TANGO6: variants seen among roughly 807,000 people sequenced by gnomAD.
TANGO6 encodes transport and golgi organization 6 homolog, also known as transport and Golgi organization protein 6 homolog.
TANGO6 carries 90 observed loss-of-function variants against 114.2 expected under a neutral mutation model. That is an observed-to-expected ratio of 0.79 (90% CI 0.66 to 0.94). The LOEUF is 0.94. TANGO6 is among the 40% of genes least tolerant of loss of function. The probability of loss-of-function intolerance (pLI) is 0.00; values close to 1 mark genes in which losing one functional copy is unlikely to be tolerated. For synonymous variants in TANGO6, 477 were observed against 509.8 expected (o/e 0.94, Z 0.87); for missense variants, 1,274 against 1,315.3 (o/e 0.97, Z 0.49).
At chr16:69,041,404 CCA>C (rs1959772767) in intron 17 of TANGO6, among the ~76,000 whole-genome samples, 1 of 151,728 alleles carries the variant, frequency 6.6e-6, no homozygotes, top group Non-Finnish European at 1.5e-5. Context: ...CGAGATCTTG[CCA>C]TTACACTCCA....
Position 68,860,085 on chromosome 16 carries a change from T to C in TANGO6, c.296T>C (p.Leu99Ser). The C allele has an allele frequency of 6.2e-7, 1 of 1,613,982 alleles. No homozygotes were observed. Among genetic ancestry groups the C allele is most frequent in the South Asian group, 1.1e-5 (1 of 91,082 alleles). Residue 99 changes from leucine to serine, a missense_variant, in exon 2 of 18, where the codon TTG (leucine) becomes TCG (serine). By Grantham distance (145) the Leu-to-Ser change is moderately radical. Coordinates refer to ENST00000261778, the MANE Select transcript of TANGO6 (RefSeq NM_024562.2). ...ACTTGGAGTTTTACCTCTCAAACCT[T>C]GTTGTTGCTTTTGTGCTTGAAGGAA... ...DVTWSFTSQT[L>S]LLLLCLKETM...
chr16:68,927,754 C>T lies in TANGO6; in HGVS notation c.2314C>T (p.Leu772=), dbSNP rs1963186479. 1 of 1,613,960 alleles carries T rather than the reference C, an allele frequency of 6.2e-7. No homozygotes were observed. The highest frequency in any genetic ancestry group is 1.7e-5 in the Admixed American group (1 of 60,002). The change falls in exon 13 of 18, where the codon CTG becomes TTG. Residue 772 remains leucine, a synonymous_variant. Transcript: ENST00000261778. ...CCAAAGTACACTGAACAGAAAAGAT[C>T]TGGAAGGGAAAATAGAAGAGCAGCA... The part of the protein sequence containing the change: ...AAQSTLNRKD[L]EGKIEEQQQT...
At chr16:68,904,524 T>C (rs1167288439) in intron 9 of TANGO6, among the ~76,000 whole-genome samples, 1 of 152,214 alleles carries the variant, frequency 6.6e-6, no homozygotes, top group Non-Finnish European at 1.5e-5. Context: ...AACTGGCACA[T>C]TGAGACATAC....
chr16:68,973,942 G>C lies in TANGO6; in HGVS notation c.2702-86G>C. On this transcript the variant is annotated intron_variant, in intron 14 of 17. Coordinates refer to ENST00000261778, the MANE Select transcript of TANGO6 (RefSeq NM_024562.2). ...TTTAGAGATGGTTTTCAGCATCTCT[G>C]CGTTCATCCCATCACAGGGTGACTG... 6 of 1,448,074 alleles carry C rather than the reference G, an allele frequency of 4.1e-6. No individual in the cohort carries two copies. The South Asian group carries it at 7.5e-5, about 18-fold the overall frequency. The allele number at this position is 1,448,074 out of a possible 1,614,324, so 89.7% of individuals were successfully genotyped here.
intron 17 of TANGO6, among the ~76,000 whole-genome samples, chr16:69,078,729 GTATTT>G (rs1229669975): frequency 1.3e-5 from 2 of 152,064 alleles, no homozygotes; most frequent in African/African-American, 4.8e-5. Context: ...ATACGTTTCT[GTATTT>G]TATTTTATTT....
intron 17 of TANGO6, among the ~76,000 whole-genome samples, chr16:69,071,704 T>G (rs1413140099): frequency 6.6e-6 from 1 of 152,230 alleles, no homozygotes; most frequent in Non-Finnish European, 1.5e-5. Flanking sequence ...ATCAAACAAA[T>G]CAATTTAGGA....
intron 14 of TANGO6, among the ~76,000 whole-genome samples, chr16:68,959,862 T>C (rs973051199): frequency 1.3e-5 from 2 of 152,208 alleles, no homozygotes; most frequent in Admixed American, 6.5e-5. Context: ...GCAGCTTTTC[T>C]TTGCATAGGC....
intron 11 of TANGO6, among the ~76,000 whole-genome samples, chr16:68,917,570 T>G (rs1046278538): frequency 2.6e-5 from 4 of 152,180 alleles, no homozygotes; most frequent in Admixed American, 6.5e-5. Context: ...CTCACCAGCA[T>G]TCCTGGTGAA....
intron 16 of TANGO6, among the ~76,000 whole-genome samples, chr16:69,030,219 A>C (rs1338625461): frequency 4.6e-5 from 7 of 152,010 alleles, no homozygotes; most frequent in Admixed American, 4.6e-4. Context: ...CTGAGGATAC[A>C]AAACCCTGTC....
chr16:69,072,838 C>T (rs1050124251), intron 17 of TANGO6, among the ~76,000 whole-genome samples: 3 of 151,818 alleles, frequency 2.0e-5, no homozygotes, highest in Non-Finnish European at 4.4e-5. Context: ...CCTACCCACA[C>T]GGAGAAAGAG....
intron 14 of TANGO6, among the ~76,000 whole-genome samples, chr16:68,959,696 T>A (rs1197704638): frequency 1.3e-5 from 2 of 152,242 alleles, no homozygotes; most frequent in Non-Finnish European, 2.9e-5. Flanking sequence ...AGGGCACATC[T>A]CCTAGCCCAC....
At chr16:68,896,692 A>T (rs536384255) in intron 7 of TANGO6, among the ~76,000 whole-genome samples, 1 of 152,298 alleles carries the variant, frequency 6.6e-6, no homozygotes, top group Non-Finnish European at 1.5e-5. Flanking sequence ...GAAATTTACT[A>T]TTAGTGTTGG....
rs1208831150 is a variant in TANGO6, at chr16:68,862,969, C to T, written c.760C>T (p.Leu254=). The change falls in exon 3 of 18, where the codon CTA becomes TTA. Residue 254 remains leucine, a synonymous_variant. Coordinates refer to ENST00000261778, the MANE Select transcript of TANGO6 (RefSeq NM_024562.2). ...EEVLTEEERT[L]SRGALRDMLD... ...GGTTCTAACTGAAGAGGAGAGAACC[C>T]TATCCAGGGGGGCCTTGAGAGACAT... The T allele has an allele frequency of 6.3e-7, 1 of 1,597,994 alleles. No homozygotes were observed. The highest frequency in any genetic ancestry group is 1.3e-5 in the African/African-American group (1 of 74,752).
chr16:68,931,243 GCAAATTA>G (rs1963235231), intron 14 of TANGO6, among the ~76,000 whole-genome samples: 2 of 152,126 alleles, frequency 1.3e-5, no homozygotes, highest in South Asian at 4.1e-4. Flanking sequence ...CCATGCGTTG[GCAAATTA>G]CTTAATCCCT....
At chr16:68,983,189 C>T (rs2152215733) in intron 15 of TANGO6, among the ~76,000 whole-genome samples, 3 of 152,150 alleles carry the variant, frequency 2.0e-5, no homozygotes, top group Admixed American at 2.0e-4. Flanking sequence ...CATTTGGATC[C>T]CCAGTTTGGG....
intron 16 of TANGO6, among the ~76,000 whole-genome samples, chr16:69,027,429 A>G (rs1959520884): frequency 6.6e-6 from 1 of 151,536 alleles, no homozygotes; most frequent in African/African-American, 2.4e-5. Flanking sequence ...CAGTTTTTGT[A>G]TCTTCTTTTT....
At chr16:68,869,729 C>G (rs965900690) in intron 4 of TANGO6, among the ~76,000 whole-genome samples, 4 of 152,074 alleles carry the variant, frequency 2.6e-5, no homozygotes, top group African/African-American at 9.7e-5. Flanking sequence ...AACTTAGTGG[C>G]TTTTTTTATG....
In TANGO6 at chr16:68,915,025, A is replaced by C. The variant is rs1211664569; in HGVS notation, c.1993-4060A>C. On this transcript the variant is annotated intron_variant, in intron 11 of 17. Transcript: ENST00000261778. ...CATATAGATAGTGGAGGATGGGCGC[A>C]GTGGCTTATGCTTGTTATCCCAGCA... 7.3e-5 allele frequency among the ~76,000 whole-genome samples: 11 copies of C among 150,508 alleles called. No homozygotes were observed. In the South Asian group the frequency reaches 2.1e-3, roughly 29 times the overall value.
chr16:69,062,657 G>A (rs572845158), intron 17 of TANGO6, among the ~76,000 whole-genome samples: 1 of 151,276 alleles, frequency 6.6e-6, no homozygotes, highest in African/African-American at 2.4e-5. Flanking sequence ...ATTTTTAGTA[G>A]TGACAGGGTT....
Sources: allele counts gnomAD v4.1 joint callset (sites outside exome capture counted in the v4.1 genomes callset), GRCh38; gene constraint gnomAD v4.1.1; transcripts MANE v1.5; gene names NCBI Gene and HGNC (gene_info 2026-07-23, HGNC 2026-07-21).